The following DLC1 variants were observed in gnomAD, a reference collection of about 807,000 sequenced individuals.
DLC1 encodes the protein DLC1 Rho GTPase activating protein.
A neutral mutation model predicts 140.3 loss-of-function variants in DLC1; 54 were observed. The ratio of observed to expected loss-of-function variants is 0.38; its 90% CI spans 0.31 to 0.48. DLC1 has a LOEUF of 0.48. DLC1 is among the 20% of genes least tolerant of loss of function. The pLI, the probability that DLC1 is intolerant of heterozygous loss-of-function variation, is 0.96. For synonymous variants in DLC1, 986 were observed against 728.1 expected (o/e 1.35, Z -5.70); for missense variants, 2,536 against 1,907.0 (o/e 1.33, Z -6.14).
chr8:13,467,901 G>C (rs926372771), intron 2 of DLC1, among the ~76,000 whole-genome samples: 1 of 152,000 alleles, frequency 6.6e-6, no homozygotes, highest in African/African-American at 2.4e-5. Flanking sequence ...ATTTATTCCT[G>C]GGATAAACCC....
At chr8:13,562,523 C>A (rs992180311) in intron 1 of DLC1, among the ~76,000 whole-genome samples, 9 of 152,158 alleles carry the variant, frequency 5.9e-5, no homozygotes, top group Admixed American at 5.9e-4. Flanking sequence ...GCTGAGATAT[C>A]ATTTCTTATC....
chr8:13,597,345 G>A (rs1805716565), intron 1 of DLC1, among the ~76,000 whole-genome samples: 1 of 151,992 alleles, frequency 6.6e-6, no homozygotes, highest in African/African-American at 2.4e-5. Context: ...GAACCGTATT[G>A]CTTCTCCCAT....
chr8:13,383,337 T>C (rs1586246140), intron 4 of DLC1, among the ~76,000 whole-genome samples: 1 of 152,292 alleles, frequency 6.6e-6, no homozygotes, highest in African/African-American at 2.4e-5. Flanking sequence ...ATATCTGCCA[T>C]ACCACTGTAT....
chr8:13,567,124 C>G (rs1289806601), intron 1 of DLC1: 2 of 1,551,662 alleles, frequency 1.3e-6, no homozygotes. Flanking sequence ...TGGAGGACGG[C>G]AGTCCTCGCC....
intron 1 of DLC1, among the ~76,000 whole-genome samples, chr8:13,538,936 A>G (rs1563427965): frequency 6.6e-6 from 1 of 152,128 alleles, no homozygotes; most frequent in Admixed American, 6.6e-5. Flanking sequence ...AATTTTTTCT[A>G]TCTTTGCATT....
chr8:13,494,970 C>T (rs1363351301), intron 2 of DLC1, among the ~76,000 whole-genome samples: 1 of 152,028 alleles, frequency 6.6e-6, no homozygotes, highest in African/African-American at 2.4e-5. Context: ...AACAAACACA[C>T]ACAAACCTGA....
intron 5 of DLC1, among the ~76,000 whole-genome samples, chr8:13,300,104 A>G (rs1040880829): frequency 6.6e-6 from 1 of 152,204 alleles, no homozygotes. Context: ...ACGCAGCCAA[A>G]AAAAGGAAGG....
chr8:13,220,013 C>A (rs1330943910), intron 5 of DLC1, among the ~76,000 whole-genome samples: 2 of 152,002 alleles, frequency 1.3e-5, no homozygotes, highest in African/African-American at 4.8e-5. Flanking sequence ...TTTCTAGGGC[C>A]TGGGAAGAGG....
intron 4 of DLC1, among the ~76,000 whole-genome samples, chr8:13,332,888 G>A (rs1192359429): frequency 6.6e-6 from 1 of 151,968 alleles, no homozygotes; most frequent in Non-Finnish European, 1.5e-5. Flanking sequence ...CTGAGTCACT[G>A]CTGAAATAGA....
rs557577404 is a variant in DLC1 at position 13,210,732 on chromosome 8, G to C, written c.1348+94537C>G. The stretch of plus-strand genomic sequence containing the variant: ...AACCGCTTTAGGTTTTCCACTTTCA[G>C]TGACTTGATAGTTAAATACATACTT... On this transcript the variant is annotated intron_variant, in intron 5 of 17. Transcript: ENST00000276297. 1.2e-4 allele frequency among the ~76,000 whole-genome samples: 18 copies of C among 152,274 alleles called. No homozygotes were observed. The South Asian group carries it at 3.7e-3, about 32-fold the overall frequency.
At chr8:13,558,527 C>G (rs1804133530) in intron 1 of DLC1, 1 of 152,084 alleles carries the variant, frequency 6.6e-6, no homozygotes, top group Non-Finnish European at 1.5e-5. Context: ...TTTTGGTTAA[C>G]CGAAGCCTAT....
chr8:13,088,768 A>G lies in DLC1; in HGVS notation c.4075-64T>C, dbSNP rs1008243552. ...ATACACACCTAGTTTTTGAAGTCGA[A>G]TTGTTAGTTAGACTAACAATTTTAG... On this transcript the variant is annotated intron_variant, in intron 15 of 17. Transcript: ENST00000276297. 6.8e-6 allele frequency: 10 copies of G among 1,464,134 alleles called. No homozygotes were observed. In the African/African-American group the frequency reaches 1.1e-4, roughly 16 times the overall value. The allele number at this position is 1,464,134 out of a possible 1,614,324, so 90.7% of individuals were successfully genotyped here.
intron 4 of DLC1, chr8:13,342,484 T>G (rs1834108015): frequency 6.6e-6 from 1 of 152,234 alleles, no homozygotes; most frequent in South Asian, 2.1e-4. Context: ...AATCAGTAGG[T>G]TCTGTGTAAG....
intron 4 of DLC1, among the ~76,000 whole-genome samples, chr8:13,358,262 A>T (rs543339982): frequency 6.6e-6 from 1 of 152,244 alleles, no homozygotes; most frequent in Non-Finnish European, 1.5e-5. Flanking sequence ...AAATACACAT[A>T]CAAAATGTTT....
intron 4 of DLC1, among the ~76,000 whole-genome samples, chr8:13,308,604 A>T (rs1326207850): frequency 6.6e-6 from 1 of 152,226 alleles, no homozygotes; most frequent in Non-Finnish European, 1.5e-5. Context: ...TCTTAATTAC[A>T]TGCCTCACAT....
intron 4 of DLC1, among the ~76,000 whole-genome samples, chr8:13,349,307 G>A (rs1324030284): frequency 1.3e-5 from 2 of 152,056 alleles, no homozygotes; most frequent in Admixed American, 1.3e-4. Context: ...TGTAAAAAGT[G>A]TTTAGGTCCT....
intron 5 of DLC1, among the ~76,000 whole-genome samples, chr8:13,193,597 G>A (rs925655891): frequency 6.6e-6 from 1 of 152,106 alleles, no homozygotes; most frequent in South Asian, 2.1e-4. Flanking sequence ...CCCAATTCTG[G>A]TTGTTGCCTT....
rs1563116193 is a variant in DLC1 at position 13,154,603 on chromosome 8, A to G, written c.1349-38946T>C. The stretch of plus-strand genomic sequence containing the variant: ...TCCCTCCACACCTCCCGGCAAGCAG[A>G]GGGAGCTGGCTCTGGTCTCAGCCAG... On this transcript the variant is annotated intron_variant, in intron 5 of 17. Coordinates refer to ENST00000276297, the MANE Select transcript of DLC1 (RefSeq NM_182643.3). 5.3e-5 allele frequency among the ~76,000 whole-genome samples: 8 copies of G among 152,288 alleles called. No homozygotes were observed. In the South Asian group the frequency reaches 1.7e-3, roughly 32 times the overall value.
intron 5 of DLC1, among the ~76,000 whole-genome samples, chr8:13,275,229 A>G (rs574817184): frequency 2.0e-5 from 3 of 152,204 alleles, no homozygotes; most frequent in Non-Finnish European, 4.4e-5. Context: ...TATCTTCACA[A>G]TCTGCTTTAT....
Sources: gnomAD v4.1 joint callset for allele counts (sites outside exome capture counted in the v4.1 genomes callset) on GRCh38, gnomAD v4.1.1 for gene constraint, MANE v1.5 for transcripts, NCBI Gene and HGNC (gene_info 2026-07-23, HGNC 2026-07-21) for gene names.